The following ASCC1 variants were observed in gnomAD, a reference collection of about 807,000 sequenced individuals.
The protein encoded by ASCC1 is activating signal cointegrator 1 complex subunit 1.
Under a neutral mutation model 46.6 loss-of-function variants are expected in ASCC1, and 35 were observed. The observed-to-expected ratio is 0.75, with a 90% confidence interval of 0.57 to 0.99. The LOEUF (loss-of-function observed/expected upper bound fraction) is 0.99, where lower values mean the gene tolerates loss of function less well. ASCC1 is among the 50% of genes least tolerant of loss of function. The pLI, the probability that ASCC1 is intolerant of heterozygous loss-of-function variation, is 0.00. For missense variants in ASCC1, 376 were observed against 428.7 expected (o/e 0.88, Z 1.09); for synonymous variants, 143 against 146.6 (o/e 0.98, Z 0.18).
chr10:72,131,439 TACACACACAC>T (rs71927487), intron 8 of ASCC1, among the ~76,000 whole-genome samples: 11 of 139,324 alleles, frequency 7.9e-5, no homozygotes, highest in East Asian at 4.1e-4. Context: ...AAAATAAAAA[TACACACACAC>T]ACACACACAC....
chr10:72,154,306 AGGCTGG>A (rs1476992793), intron 6 of ASCC1, among the ~76,000 whole-genome samples: 1 of 152,172 alleles, frequency 6.6e-6, no homozygotes. Context: ...CTTGGGCAAA[AGGCTGG>A]GGGAAATATA....
At chr10:72,211,573 T>C (rs1241013609) in intron 2 of ASCC1, among the ~76,000 whole-genome samples, 1 of 150,950 alleles carries the variant, frequency 6.6e-6, no homozygotes, top group Non-Finnish European at 1.5e-5. Context: ...TGCGCTTGTC[T>C]CTTAAAAAAA....
intron 6 of ASCC1, among the ~76,000 whole-genome samples, chr10:72,158,497 T>C (rs1013527359): frequency 1.3e-5 from 2 of 152,214 alleles, no homozygotes; most frequent in Non-Finnish European, 2.9e-5. Context: ...AGCCGGAGCT[T>C]CCGAATTTAC....
chr10:72,120,511 G>T (rs566120978), intron 9 of ASCC1, among the ~76,000 whole-genome samples: 1 of 150,574 alleles, frequency 6.6e-6, no homozygotes, highest in South Asian at 2.1e-4. Context: ...AAGGAATAAA[G>T]ACTGAGAATT....
chr10:72,203,599 T>C, intron 3 of ASCC1, 75 bp from the exon 4 acceptor site: 1 of 1,107,772 alleles, frequency 9.0e-7, no homozygotes, highest in Non-Finnish European at 1.4e-6. Context: ...GTTTAAATCC[T>C]TTGTGACAAG....
At chr10:72,115,842 C>CA (rs1233684886) in intron 9 of ASCC1, among the ~76,000 whole-genome samples, 2 of 152,020 alleles carry the variant, frequency 1.3e-5, no homozygotes, top group Non-Finnish European at 2.9e-5. Flanking sequence ...TTCCTTAAAA[C>CA]AAAAAACACT....
chr10:72,135,092 G>A (rs1406194613), intron 7 of ASCC1, among the ~76,000 whole-genome samples: 1 of 152,142 alleles, frequency 6.6e-6, no homozygotes, highest in Non-Finnish European at 1.5e-5. Context: ...TCAATGAGGA[G>A]AAAAAGTTGC....
chr10:72,212,944 T>G (rs1858377955), intron 2 of ASCC1, among the ~76,000 whole-genome samples: 1 of 148,962 alleles, frequency 6.7e-6, no homozygotes, highest in South Asian at 2.1e-4. Flanking sequence ...CAACTAAAAT[T>G]TCTCTATGAT....
At chr10:72,209,748 C>T (rs1652296452) in intron 3 of ASCC1, among the ~76,000 whole-genome samples, 2 of 152,184 alleles carry the variant, frequency 1.3e-5, no homozygotes. Flanking sequence ...CGTCCCATTG[C>T]ACTCCTGCCT....
chr10:72,097,066 G>A lies in ASCC1; in HGVS notation c.*268C>T, dbSNP rs938148409. 1.0e-5 allele frequency: 5 copies of A among 497,388 alleles called. No individual in the cohort carries two copies. The highest frequency in any genetic ancestry group is 7.7e-5 in the African/African-American group (4 of 51,632). 30.8% of individuals were successfully genotyped at this position (497,388 alleles called of 1,614,324 possible). A position where few individuals can be genotyped will look rare whatever the true frequency, so the allele number is the denominator to read the frequency against. ...AAATGGTGAAGACAGTATGTTTTAT[G>A]AGTATTTTACGACAATTTAAAAATT... On this transcript the variant is annotated 3_prime_UTR_variant, in exon 10 of 10. Transcript: ENST00000672957.
chr10:72,202,282 C>A (rs948552168), intron 4 of ASCC1, among the ~76,000 whole-genome samples: 9 of 152,088 alleles, frequency 5.9e-5, no homozygotes, highest in Non-Finnish European at 8.8e-5. Context: ...GCCTGGCCAA[C>A]ATGGCGAAAC....
intron 5 of ASCC1, among the ~76,000 whole-genome samples, chr10:72,167,757 C>T (rs1850550487): frequency 6.6e-6 from 1 of 151,858 alleles, no homozygotes; most frequent in Non-Finnish European, 1.5e-5. Context: ...TCTCCTCAGC[C>T]TCCCTGTGGC....
At chr10:72,131,143 G>C (rs550523085) in intron 8 of ASCC1, among the ~76,000 whole-genome samples, 3 of 152,070 alleles carry the variant, frequency 2.0e-5, no homozygotes, top group Admixed American at 2.0e-4. Context: ...CAACTGGGCC[G>C]GGCGCAGTGG....
chr10:72,148,363 G>A (rs564521478), intron 7 of ASCC1, among the ~76,000 whole-genome samples: 32 of 152,240 alleles, frequency 2.1e-4, no homozygotes, highest in African/African-American at 6.0e-4. Context: ...CTGGAAAAAC[G>A]CACTTGTGAG....
chr10:72,132,716 TTTC>T (rs1483205454), intron 8 of ASCC1, among the ~76,000 whole-genome samples: 2 of 152,112 alleles, frequency 1.3e-5, no homozygotes, highest in Admixed American at 1.3e-4. Flanking sequence ...CTCACCTTCC[TTTC>T]TTTTTTCTCT....
chr10:72,141,971 T>C (rs1847068893), intron 7 of ASCC1, among the ~76,000 whole-genome samples: 1 of 152,196 alleles, frequency 6.6e-6, no homozygotes, highest in Admixed American at 6.5e-5. Flanking sequence ...CTTTTTAAAA[T>C]TGTCTCTGTA....
At chr10:72,189,411 AAAAAAT>A (rs1854043236) in intron 5 of ASCC1, among the ~76,000 whole-genome samples, 2 of 151,998 alleles carry the variant, frequency 1.3e-5, no homozygotes, top group Admixed American at 6.6e-5. Flanking sequence ...CCATCTCAAA[AAAAAAT>A]AAAAATAAAA....
At chr10:72,097,729 T>C (rs1841251930) in intron 9 of ASCC1, among the ~76,000 whole-genome samples, 1 of 152,216 alleles carries the variant, frequency 6.6e-6, no homozygotes, top group African/African-American at 2.4e-5. Flanking sequence ...GAAATTCATC[T>C]ACTGACCAGA....
chr10:72,148,034 A>G lies in ASCC1; in HGVS notation c.746+4835T>C, dbSNP rs115399410. On this transcript the variant is annotated intron_variant, in intron 7 of 9. Coordinates refer to ENST00000672957, the MANE Select transcript of ASCC1 (RefSeq NM_001198800.3). ...TTTGCACTAATGGTGCAAAAGCAAT[A>G]GTAGGTAAAGCTGCTGGCACCCTAG... 9.7e-3 allele frequency among the ~76,000 whole-genome samples: 1,472 copies of G among 152,320 alleles called. 20 individuals are homozygous for G. Among genetic ancestry groups the G allele is most frequent in the African/African-American group, 0.034 (1,399 of 41,548 alleles).
Sources: allele counts gnomAD v4.1 joint callset (sites outside exome capture counted in the v4.1 genomes callset), GRCh38; gene constraint gnomAD v4.1.1; transcripts MANE v1.5; gene names NCBI Gene and HGNC (gene_info 2026-07-23, HGNC 2026-07-21).